Variants in IDH1 observed in about 807,000 individuals in gnomAD.
IDH1 encodes the protein isocitrate dehydrogenase (NADP(+)) 1, also known as isocitrate dehydrogenase [NADP] cytoplasmic.
In IDH1, 33 loss-of-function variants were observed where a neutral mutation model predicts 46.1. The ratio of observed to expected loss-of-function variants is 0.72; its 90% CI spans 0.54 to 0.96. The LOEUF is 0.96. Ranked by LOEUF, IDH1 falls within the 40% of genes least tolerant of loss-of-function variation. The pLI is 0.00. For missense variants in IDH1, 421 were observed against 515.7 expected, an observed-to-expected ratio of 0.82 and a Z score of 1.78; for synonymous variants, 144 against 172.8, an observed-to-expected ratio of 0.83 and a Z score of 1.31.
chr2:208,253,344 T>G (rs1206684546), intron 2 of IDH1, among the ~76,000 whole-genome samples: 3 of 152,246 alleles, frequency 2.0e-5, no homozygotes, highest in African/African-American at 7.2e-5. Flanking sequence ...ACAGTGAAGC[T>G]TTATTGTTAC....
At chr2:208,241,929 C>A (rs1687926511) in intron 7 of IDH1, 65 bp downstream of exon 7, 1 of 1,554,244 alleles carries the variant, frequency 6.4e-7, no homozygotes, top group African/African-American at 1.4e-5. Context: ...CAAAACTCCC[C>A]TTCCCAAATT....
intron 2 of IDH1, 148 bp from the exon 3 acceptor site, chr2:208,251,715 A>G: frequency 1.5e-6 from 1 of 648,416 alleles, no homozygotes; most frequent in South Asian, 1.9e-5. Flanking sequence ...ATAAAAAGCT[A>G]GTAACAGCAA....
intron 5 of IDH1, 55 bp from the exon 6 acceptor site, chr2:208,243,659 G>C: frequency 7.1e-7 from 1 of 1,415,980 alleles, no homozygotes; most frequent in African/African-American, 1.4e-5. Context: ...ATGTAATGTA[G>C]TTGTAATAAG....
chr2:208,248,287 G>A (rs2124862182), intron 4 of IDH1, 82 bp downstream of exon 4: 3 of 1,257,970 alleles, frequency 2.4e-6, no homozygotes, highest in South Asian at 1.2e-5. Flanking sequence ...CAAAAGATAA[G>A]AATAAAACAC....
intron 3 of IDH1, among the ~76,000 whole-genome samples, chr2:208,250,261 A>G (rs1233386113): frequency 6.6e-6 from 1 of 150,958 alleles, no homozygotes; most frequent in Non-Finnish European, 1.5e-5. Flanking sequence ...CAGTTCACCT[A>G]CTGTCATGTA....
At chr2:208,245,110 A>G (rs1475697135) in intron 5 of IDH1, among the ~76,000 whole-genome samples, 2 of 152,236 alleles carry the variant, frequency 1.3e-5, no homozygotes, top group African/African-American at 2.4e-5. Context: ...ATTTCCAATT[A>G]AGTGGGTAAC....
intron 7 of IDH1, among the ~76,000 whole-genome samples, chr2:208,241,057 G>A (rs1687909091): frequency 6.6e-6 from 1 of 152,104 alleles, no homozygotes; most frequent in Non-Finnish European, 1.5e-5. Context: ...GCTACCAAGG[G>A]CAACTGAAAC....
intron 4 of IDH1, among the ~76,000 whole-genome samples, chr2:208,246,087 G>T (rs1688017089): frequency 6.6e-6 from 1 of 152,152 alleles, no homozygotes; most frequent in East Asian, 1.9e-4. Flanking sequence ...TGGTATCATT[G>T]TTACTAGTGT....
At chr2:208,238,702 C>A (rs370904432) in intron 9 of IDH1, among the ~76,000 whole-genome samples, 1 of 152,116 alleles carries the variant, frequency 6.6e-6, no homozygotes, top group East Asian at 1.9e-4. Context: ...TTAAATAGAA[C>A]CTTTTCGTTC....
At chr2:208,245,473 G>A (rs779983545) in intron 4 of IDH1, 49 bp from the exon 5 acceptor site, 8 of 974,154 alleles carry the variant, frequency 8.2e-6, no homozygotes, top group South Asian at 5.1e-5. Context: ...ACCCTAGCAG[G>A]AATTGTAAGG....
Position 208,245,430 on chromosome 2 carries a change from T to C in IDH1, c.415-6A>G. 6.5e-7 allele frequency: 1 copy of C among 1,533,920 alleles called. No individual in the cohort carries two copies. The highest frequency in any genetic ancestry group is 9.0e-7 in the Non-Finnish European group (1 of 1,108,290). On this transcript the variant is annotated splice_polypyrimidine_tract_variant and splice_region_variant and intron_variant, in intron 4 of 9. Coordinates refer to ENST00000345146, the MANE Select transcript of IDH1 (RefSeq NM_005896.4). ...ACAAAATCAGTTGCTCTGTACTGTG[T>C]AGAGGGGAAAAAGGTATAAAGAAAA...
intron 3 of IDH1, among the ~76,000 whole-genome samples, chr2:208,250,573 T>C (rs1356491796): frequency 2.0e-5 from 3 of 152,210 alleles, no homozygotes; most frequent in Admixed American, 1.3e-4. Flanking sequence ...TCAATATTTT[T>C]CTATGCCAGT....
intron 2 of IDH1, among the ~76,000 whole-genome samples, chr2:208,252,041 G>A (rs1688135031): frequency 6.6e-6 from 1 of 152,144 alleles, no homozygotes; most frequent in African/African-American, 2.4e-5. Flanking sequence ...CTCTCAAGAT[G>A]TCCAGAATGG....
intron 4 of IDH1, among the ~76,000 whole-genome samples, chr2:208,245,762 C>T (rs544978011): frequency 7.4e-6 from 1 of 135,006 alleles, no homozygotes; most frequent in East Asian, 2.2e-4. Context: ...CTTTCAAATG[C>T]CAAAAGAGGG....
chr2:208,251,459 A>G lies in IDH1; in HGVS notation c.93T>C (p.Ile31=). The G allele has an allele frequency of 6.2e-7, 1 of 1,613,796 alleles. No homozygotes were observed. Among genetic ancestry groups the G allele is most frequent in the Non-Finnish European group, 8.5e-7 (1 of 1,179,860 alleles). Reference sequence around the variant, plus strand: ...GTAGATCCAATTCCACGTAGGGAAAAATGAGTTTCTCTTTAATCAATTCCC... The same window carrying G: ...GTAGATCCAATTCCACGTAGGGAAAGATGAGTTTCTCTTTAATCAATTCCC... The part of the protein sequence containing the change: ...IIWELIKEKL[I]FPYVELDLHS... Residue 31 remains isoleucine, a synonymous_variant, in exon 3 of 10, where the codon ATT becomes ATC. Coordinates refer to ENST00000345146, the MANE Select transcript of IDH1 (RefSeq NM_005896.4).
Position 208,239,223 on chromosome 2 carries a change from A to C in IDH1, c.1002T>G (p.Phe334Leu). 1 of 1,614,054 alleles carries C rather than the reference A, an allele frequency of 6.2e-7. No homozygotes were observed. The highest frequency in any genetic ancestry group is 1.6e-4 in the Middle Eastern group (1 of 6,062). ...ETSTNPIASIFAWTRGLAHRA... is the reference protein window; with the variant it reads ...ETSTNPIASILAWTRGLAHRA... ...TGTGGGCTAACCCTCTGGTCCAGGC[A>C]AAAATGGAAGCTAAAAGAGGGGAAA... The change falls in exon 9 of 10, where the codon TTT becomes TTG. Residue 334 changes from phenylalanine (F) to leucine (L), a missense_variant. Physicochemically the swap from Phe to Leu is conservative, Grantham distance 22. Transcript: ENST00000345146.
At position 208,248,660 on chromosome 2, in the gene IDH1, G is replaced by A. The variant is rs2124864103; in HGVS notation, c.123C>T (p.Ser41=). The stretch of plus-strand genomic sequence containing the variant: ...CACGATTCTCTATGCCTAAATCATA[G>A]CTTGAAAGAGAAAAATTAGAAGCAA... ...IFPYVELDLH[S]YDLGIENRDA... is the part of the protein sequence containing the mutation. The change falls in exon 4 of 10, where the codon AGC becomes AGT. Residue 41 remains serine (S), a splice_region_variant and synonymous_variant. Coordinates refer to ENST00000345146, the MANE Select transcript of IDH1 (RefSeq NM_005896.4). 6.2e-7 allele frequency: 1 copy of A among 1,613,734 alleles called. No homozygotes were observed. Among genetic ancestry groups the A allele is most frequent in the Non-Finnish European group, 8.5e-7 (1 of 1,179,798 alleles).
chr2:208,249,728 A>C (rs1042260353), intron 3 of IDH1, among the ~76,000 whole-genome samples: 1 of 152,226 alleles, frequency 6.6e-6, no homozygotes, highest in Non-Finnish European at 1.5e-5. Flanking sequence ...ATGCAAACAA[A>C]GAGATAGTAA....
chr2:208,239,312 A>C, intron 8 of IDH1, 79 bp from the exon 9 acceptor site: 1 of 1,463,376 alleles, frequency 6.8e-7, no homozygotes, highest in Non-Finnish European at 9.4e-7. Context: ...GTTCCCCAAA[A>C]CAGAATAGTT....
Sources: gnomAD v4.1 joint callset for allele counts (sites outside exome capture counted in the v4.1 genomes callset) on GRCh38, gnomAD v4.1.1 for gene constraint, MANE v1.5 for transcripts, NCBI Gene and HGNC (gene_info 2026-07-23, HGNC 2026-07-21) for gene names.